The following C6orf52 variants were observed in gnomAD, a reference collection of about 807,000 sequenced individuals.
C6orf52 encodes chromosome 6 open reading frame 52.
C6orf52 carries 16 observed loss-of-function variants against 16.6 expected under a neutral mutation model. That is an observed-to-expected ratio of 0.96 (90% CI 0.65 to 1.46). C6orf52 has a LOEUF of 1.46. Ranked by LOEUF, C6orf52 falls within the 40% of genes most tolerant of loss-of-function variation. The pLI is 0.00. For missense variants in C6orf52, 166 were observed against 182.3 expected, an observed-to-expected ratio of 0.91 and a Z score of 0.52; for synonymous variants, 53 against 61.4, an observed-to-expected ratio of 0.86 and a Z score of 0.64.
At chr6:10,686,190 C>T (rs1043757747) in intron 3 of C6orf52, among the ~76,000 whole-genome samples, 23 of 152,144 alleles carry the variant, frequency 1.5e-4, no homozygotes, top group Non-Finnish European at 2.1e-4. Context: ...GCCATCTTGC[C>T]CAGACCATAA....
intron 4 of C6orf52, 72 bp downstream of exon 4, chr6:10,683,115 G>T: frequency 9.8e-7 from 1 of 1,016,070 alleles, no homozygotes; most frequent in Non-Finnish European, 1.4e-6. Flanking sequence ...CCAGTTTCTA[G>T]CAAGCTGAGT....
chr6:10,684,848 C>T (rs778863922), intron 3 of C6orf52: 1 of 1,289,084 alleles, frequency 7.8e-7, no homozygotes, highest in Non-Finnish European at 1.0e-6. Context: ...CAGAGGCTTA[C>T]CATCTTTAAT....
intron 3 of C6orf52, among the ~76,000 whole-genome samples, chr6:10,685,612 C>T (rs909496066): frequency 6.6e-6 from 1 of 152,188 alleles, no homozygotes; most frequent in Non-Finnish European, 1.5e-5. Context: ...AACATTTAGA[C>T]TCCAAAGTGT....
At position 10,686,909 on chromosome 6, in the gene C6orf52, G is replaced by T. The variant is rs1768907645; in HGVS notation, c.270+57C>A. 2.7e-5 allele frequency: 33 copies of T among 1,238,900 alleles called. 1 individual carries two copies. The South Asian group carries it at 4.6e-4, about 17-fold the overall frequency. 76.7% of individuals were successfully genotyped at this position (1,238,900 alleles called of 1,614,324 possible). On this transcript the variant is annotated intron_variant, in intron 3 of 4. Transcript: ENST00000259983. The stretch of plus-strand genomic sequence containing the variant: ...CACAGATGTGTGAAGATAGGAAAGT[G>T]ATGTTTACTATTATTGGGCACACGA...
intron 2 of C6orf52, 96 bp downstream of exon 2, chr6:10,687,383 TA>T (rs144292063): frequency 0.21 from 136,514 of 644,768 alleles, 507 homozygotes; most frequent in South Asian, 0.28. Flanking sequence ...CCCAGAACTT[TA>T]AAAAAAAAAA....
intron 4 of C6orf52, among the ~76,000 whole-genome samples, chr6:10,676,095 G>A (rs534761397): frequency 6.6e-6 from 1 of 152,040 alleles, no homozygotes; most frequent in African/African-American, 2.4e-5. Flanking sequence ...ACGCCACTGC[G>A]TTCCAGCCTA....
At chr6:10,693,010 T>G (rs1561885367) in intron 1 of C6orf52, among the ~76,000 whole-genome samples, 1 of 152,242 alleles carries the variant, frequency 6.6e-6, no homozygotes, top group East Asian at 1.9e-4. Context: ...ATCATAAATG[T>G]TAGAAACAAT....
chr6:10,692,433 A>G (rs1769406710), intron 1 of C6orf52, among the ~76,000 whole-genome samples: 1 of 152,198 alleles, frequency 6.6e-6, no homozygotes, highest in Non-Finnish European at 1.5e-5. Context: ...GATAACTAGC[A>G]CAAAGTAAAG....
At position 10,687,027 on chromosome 6, in the gene C6orf52, T is replaced by C. The variant is rs540271409; in HGVS notation, c.209A>G (p.Lys70Arg). 86 of 1,551,734 alleles carry C rather than the reference T, an allele frequency of 5.5e-5. No homozygotes were observed. Among genetic ancestry groups the C allele is most frequent in the Non-Finnish European group, 7.5e-5 (86 of 1,146,974 alleles). The change falls in exon 3 of 5, where the codon AAG (lysine) becomes AGG (arginine). Residue 70 changes from lysine (K) to arginine (R), a missense_variant. By Grantham distance (26) the Lys-to-Arg change is conservative. Transcript: ENST00000259983. ...GGTCTCATGCGCAGAAAAACAGTCC[T>C]TTCCATTTCCATCCACTGCACAGCC... ...SYGCAVDGNGKDCFSAHETPE... is the reference protein window; with the variant it reads ...SYGCAVDGNGRDCFSAHETPE...
At chr6:10,675,734 A>C (rs1192667626) in intron 4 of C6orf52, among the ~76,000 whole-genome samples, 2 of 152,218 alleles carry the variant, frequency 1.3e-5, no homozygotes, top group East Asian at 3.8e-4. Flanking sequence ...GAGTGAGACG[A>C]TATCTCACTA....
intron 3 of C6orf52, among the ~76,000 whole-genome samples, chr6:10,686,760 A>G (rs1055055215): frequency 1.8e-4 from 28 of 152,230 alleles, no homozygotes; most frequent in African/African-American, 6.3e-4. Flanking sequence ...AAACATGTGC[A>G]GGGACTTTTT....
chr6:10,680,947 C>T (rs1768329425), intron 4 of C6orf52, among the ~76,000 whole-genome samples: 1 of 152,078 alleles, frequency 6.6e-6, no homozygotes, highest in African/African-American at 2.4e-5. Flanking sequence ...ACTATAGGTA[C>T]ATGCTACCAT....
At chr6:10,673,639 G>A (rs554453215) in intron 4 of C6orf52, among the ~76,000 whole-genome samples, 10 of 152,292 alleles carry the variant, frequency 6.6e-5, no homozygotes, top group South Asian at 4.1e-4. Context: ...ACAACATTAC[G>A]AATGTACTTA....
chr6:10,687,235 G>A (rs1768933947), intron 2 of C6orf52, 71 bp from the exon 3 acceptor site: 2 of 1,209,210 alleles, frequency 1.7e-6, no homozygotes, highest in African/African-American at 3.1e-5. Flanking sequence ...CTTCTTTCCA[G>A]GAAGTTTGCA....
At chr6:10,678,183 T>TAAAAAAAAAAA (rs377733205) in intron 4 of C6orf52, among the ~76,000 whole-genome samples, 2 of 101,606 alleles carry the variant, frequency 2.0e-5, no homozygotes, top group Non-Finnish European at 4.0e-5. Context: ...GAGACTGTCT[T>TAAAAAAAAAAA]AAAAAAAAAA....
At chr6:10,690,895 C>G (rs965887303) in intron 1 of C6orf52, among the ~76,000 whole-genome samples, 1 of 152,180 alleles carries the variant, frequency 6.6e-6, no homozygotes, top group Non-Finnish European at 1.5e-5. Context: ...CAGTTCCAAT[C>G]CAGTTAAACA....
At chr6:10,684,946 AT>A in intron 3 of C6orf52, 1 of 1,222,778 alleles carries the variant, frequency 8.2e-7, no homozygotes, top group Non-Finnish European at 1.1e-6. Context: ...AAGATAACAT[AT>A]TTATATAATT....
At chr6:10,694,831 G>GT (rs113971540), upstream of C6orf52, 23,329 of 590,086 alleles carry the variant, frequency 0.04, 2,803 homozygotes, top group African/African-American at 0.31. Flanking sequence ...GTGTTTCCAC[G>GT]TTACAGGCGA....
At chr6:10,681,657 T>A (rs1007959998) in intron 4 of C6orf52, among the ~76,000 whole-genome samples, 2 of 152,200 alleles carry the variant, frequency 1.3e-5, no homozygotes, top group African/African-American at 4.8e-5. Context: ...AAGGTATCAA[T>A]GTCCCCACTT....
Sources: allele counts gnomAD v4.1 joint callset (sites outside exome capture counted in the v4.1 genomes callset), GRCh38; gene constraint gnomAD v4.1.1; transcripts MANE v1.5; gene names NCBI Gene and HGNC (gene_info 2026-07-23, HGNC 2026-07-21).